The following EMILIN2 variants were observed in gnomAD, a reference collection of about 807,000 sequenced individuals.
The protein encoded by EMILIN2 is elastin microfibril interfacer 2, also known as EMILIN-2.
A neutral mutation model predicts 87.1 loss-of-function variants in EMILIN2; 71 were observed. The observed-to-expected ratio is 0.82, with a 90% CI of 0.67 to 0.99. The LOEUF (loss-of-function observed/expected upper bound fraction) is 0.99. Among genes scored for constraint, EMILIN2 ranks in the 50% least tolerant of loss-of-function variants. The probability of loss-of-function intolerance (pLI) is 0.00; values close to 1 mark genes in which losing one functional copy is unlikely to be tolerated. For synonymous variants in EMILIN2, 581 were observed against 563.4 expected (o/e 1.03, Z -0.44); for missense variants, 1,407 against 1,371.8 (o/e 1.03, Z -0.40).
chr18:2,865,913 G>T (rs1281294998), intron 2 of EMILIN2, among the ~76,000 whole-genome samples: 2 of 152,172 alleles, frequency 1.3e-5, no homozygotes, highest in African/African-American at 4.8e-5. Context: ...GCAATGGCAG[G>T]TGCCCCTCCC....
chr18:2,913,602 A>C lies in EMILIN2; in HGVS notation c.*198A>C. On this transcript the variant is annotated 3_prime_UTR_variant, in exon 8 of 8. Coordinates refer to ENST00000254528, the MANE Select transcript of EMILIN2 (RefSeq NM_032048.3). ...GCAGGGAGTGAGGCACACGGTGAAC[A>C]TGGCCACTGACTTTTCTGCCACTCT... 5.5e-6 allele frequency: 3 copies of C among 541,606 alleles called. No individual in the cohort carries two copies. Among genetic ancestry groups the C allele is most frequent in the South Asian group, 2.5e-5 (1 of 40,680 alleles). 33.6% of individuals were successfully genotyped at this position (541,606 alleles called of 1,614,324 possible).
At chr18:2,846,975 C>A, upstream of EMILIN2, 1 of 1,002,626 alleles carries the variant, frequency 1.0e-6, no homozygotes, top group Non-Finnish European at 1.2e-6. This position sits in a 1 kb window ranked among gnomAD's most constrained non-coding sequence, Gnocchi z 5.3. Context: ...CATTGAGGGA[C>A]CGGGGAGAAG....
At chr18:2,879,384 C>T (rs1199297933) in intron 2 of EMILIN2, among the ~76,000 whole-genome samples, 3 of 152,270 alleles carry the variant, frequency 2.0e-5, no homozygotes, top group South Asian at 2.1e-4. Context: ...CCATGCCAGG[C>T]GCAGTAGCTC....
chr18:2,896,021 A>G (rs1182472876), intron 4 of EMILIN2, among the ~76,000 whole-genome samples: 1 of 152,174 alleles, frequency 6.6e-6, no homozygotes, highest in Admixed American at 6.5e-5. Context: ...AGCATCACTG[A>G]GGTGAGGCTG....
At chr18:2,858,567 A>ATATATATG (rs2076642288) in intron 2 of EMILIN2, among the ~76,000 whole-genome samples, 2 of 58,814 alleles carry the variant, frequency 3.4e-5, no homozygotes, top group African/African-American at 1.2e-4. Context: ...ATATATATAT[A>ATATATATG]TATGTGTGTG....
Position 2,892,126 on chromosome 18 carries a change from T to C in EMILIN2, c.1999T>C (p.Cys667Arg). 1 of 1,611,004 alleles carries C rather than the reference T, an allele frequency of 6.2e-7. No individual in the cohort carries two copies. The highest frequency in any genetic ancestry group is 8.5e-7 in the Non-Finnish European group (1 of 1,177,850). ...CCCCCAGCACCCCGTGGCTCATTGC[T>C]GCAGTCAGCTGGAGGAGAGGTGGCA... Reference protein sequence around the residue: ...PSPQHPVAHCCSQLEERWQRL... With the variant: ...PSPQHPVAHCRSQLEERWQRL... Residue 667 changes from cysteine to arginine, a missense_variant, in exon 4 of 8, where the codon TGC (cysteine) becomes CGC (arginine). Physicochemically the swap from Cys to Arg is radical, Grantham distance 180 (BLOSUM62 -3). Transcript: ENST00000254528.
rs1163529197 is a variant in EMILIN2 at position 2,890,923 on chromosome 18, T to C, written c.796T>C (p.Leu266=). The C allele has an allele frequency of 6.2e-7, 1 of 1,614,096 alleles. No individual in the cohort carries two copies. Residue 266 remains leucine (L), a synonymous_variant, in exon 4 of 8, where the codon TTG becomes CTG. Coordinates refer to ENST00000254528, the MANE Select transcript of EMILIN2 (RefSeq NM_032048.3). This position sits in a 1 kb window ranked among gnomAD's most constrained non-coding sequence, Gnocchi z 4.7. ...ESGMKDIKSE[L]AEVKDTLKNK... is the part of the protein sequence containing the mutation. The stretch of plus-strand genomic sequence containing the variant: ...TGGCATGAAGGACATCAAGTCTGAA[T>C]TGGCTGAAGTCAAAGATACTCTAAA...
Position 2,906,793 on chromosome 18 carries a change from G to C in EMILIN2, c.2370G>C (p.Ser790=). 1 of 1,263,510 alleles carries C rather than the reference G, an allele frequency of 7.9e-7. No homozygotes were observed. The highest frequency in any genetic ancestry group is 9.9e-7 in the Non-Finnish European group (1 of 1,009,076). The allele number at this position is 1,263,510 out of a possible 1,614,324, so 78.3% of individuals were successfully genotyped here. A position where few individuals can be genotyped will look rare whatever the true frequency, so the allele number is the denominator to read the frequency against. The change falls in exon 5 of 8, where the codon TCG becomes TCC. Residue 790 remains serine, a synonymous_variant. Transcript: ENST00000254528. ...VKFQPSAKAP[S]PPPPAEAPKE... ...CCCGACGCCCGGCAGAGGCGCCCTC[G>C]CCCCCGCCGCCCGCAGAGGCCCCGA...
In EMILIN2 at chr18:2,847,801, C is replaced by T; in HGVS notation, c.135-8C>T. 6.2e-7 allele frequency: 1 copy of T among 1,612,576 alleles called. No individual in the cohort carries two copies. Among genetic ancestry groups the T allele is most frequent in the African/African-American group, 1.3e-5 (1 of 75,038 alleles). ...CGTGCCCCTCTCCCTCTCTCTCCTG[C>T]ACCCCAGGAACTGGTGCGCCTACAT... On this transcript the variant is annotated splice_region_variant and splice_polypyrimidine_tract_variant and intron_variant, in intron 1 of 7. Coordinates refer to ENST00000254528, the MANE Select transcript of EMILIN2 (RefSeq NM_032048.3). The surrounding 1 kb of genome is among the most constrained non-coding windows in gnomAD (Gnocchi z 4.5).
At chr18:2,908,664 C>T (rs1257801695) in intron 5 of EMILIN2, among the ~76,000 whole-genome samples, 1 of 152,230 alleles carries the variant, frequency 6.6e-6, no homozygotes, top group Non-Finnish European at 1.5e-5. Context: ...GTCTCCAAGG[C>T]TCCAGTGCCC....
At chr18:2,902,227 A>G (rs2076890898) in intron 4 of EMILIN2, among the ~76,000 whole-genome samples, 1 of 152,234 alleles carries the variant, frequency 6.6e-6, no homozygotes, top group Non-Finnish European at 1.5e-5. Context: ...TGCATGGCCC[A>G]TAGCGCCTGT....
intron 2 of EMILIN2, among the ~76,000 whole-genome samples, 163 bp from the exon 3 acceptor site, chr18:2,884,801 C>A (rs2076795041): frequency 6.6e-6 from 1 of 152,126 alleles, no homozygotes; most frequent in Admixed American, 6.5e-5. Flanking sequence ...TTAGGCTGAA[C>A]CCCCCAGTCA....
intron 2 of EMILIN2, among the ~76,000 whole-genome samples, chr18:2,877,694 C>T (rs2076756247): frequency 6.6e-6 from 1 of 151,414 alleles, no homozygotes; most frequent in South Asian, 2.1e-4. Context: ...AGGAGAATCA[C>T]TTGAACCCAG....
intron 2 of EMILIN2, among the ~76,000 whole-genome samples, chr18:2,869,786 TTGTGTGTGTGTG>T (rs777623155): frequency 1.7e-5 from 1 of 59,068 alleles, no homozygotes; most frequent in Non-Finnish European, 3.8e-5. Context: ...GTGTGTGTGT[TTGTGTGTGTGTG>T]TGTGTGTGTG....
intron 2 of EMILIN2, among the ~76,000 whole-genome samples, chr18:2,882,765 C>T (rs191615969): frequency 1.6e-3 from 239 of 152,114 alleles, no homozygotes; most frequent in African/African-American, 5.3e-3. Context: ...TGCCTGTAAT[C>T]CCAGCTACTT....
At chr18:2,859,283 G>A (rs967279246) in intron 2 of EMILIN2, among the ~76,000 whole-genome samples, 10 of 152,008 alleles carry the variant, frequency 6.6e-5, no homozygotes, top group African/African-American at 2.4e-4. Flanking sequence ...AGGTGGTATC[G>A]CATTGTGGTT....
At chr18:2,876,921 C>G (rs568882446) in intron 2 of EMILIN2, among the ~76,000 whole-genome samples, 16 of 152,270 alleles carry the variant, frequency 1.1e-4, no homozygotes, top group Admixed American at 5.2e-4. Flanking sequence ...TCCTAAAAGG[C>G]CAAGTGAAAT....
At chr18:2,905,951 G>A (rs2144066862) in intron 4 of EMILIN2, among the ~76,000 whole-genome samples, 1 of 152,250 alleles carries the variant, frequency 6.6e-6, no homozygotes, top group South Asian at 2.1e-4. Context: ...AACAAAACTA[G>A]ACGGCAGGTC....
rs114850620 is a variant in EMILIN2 at position 2,891,182 on chromosome 18, A to G, written c.1055A>G (p.Gln352Arg). ...TGTGAGTACAAGCTCACTGGCCTCCAGCAGCAGTGTGATGACTATGGGAGC... is the reference window on the plus strand; with the variant it reads ...TGTGAGTACAAGCTCACTGGCCTCCGGCAGCAGTGTGATGACTATGGGAGC... ...NSCEYKLTGL[Q>R]QQCDDYGSSY... Residue 352 changes from glutamine (Q) to arginine (R), a missense_variant, in exon 4 of 8, where the codon CAG (glutamine) becomes CGG (arginine). By Grantham distance (43) the Gln-to-Arg change is conservative. Coordinates refer to ENST00000254528, the MANE Select transcript of EMILIN2 (RefSeq NM_032048.3). The surrounding 1 kb of genome is among the most constrained non-coding windows in gnomAD (Gnocchi z 4.6). 6.2e-7 allele frequency: 1 copy of G among 1,614,244 alleles called. No homozygotes were observed. The highest frequency in any genetic ancestry group is 8.5e-7 in the Non-Finnish European group (1 of 1,180,042).
Sources: allele counts gnomAD v4.1 joint callset (sites outside exome capture counted in the v4.1 genomes callset), GRCh38; gene constraint gnomAD v4.1.1; non-coding constraint Gnocchi (gnomAD v3.1); transcripts MANE v1.5; gene names NCBI Gene and HGNC (gene_info 2026-07-23, HGNC 2026-07-21).